RSBN1L: variants seen among roughly 807,000 people sequenced by gnomAD.
The protein encoded by RSBN1L is lysine-specific demethylase RSBN1L.
RSBN1L carries 30 observed loss-of-function variants against 67.7 expected under a neutral mutation model. The ratio of observed to expected loss-of-function variants is 0.44; its 90% CI spans 0.33 to 0.60. RSBN1L has a LOEUF of 0.60. RSBN1L is among the 20% of genes least tolerant of loss of function. The probability of loss-of-function intolerance (pLI) is 0.02; values close to 1 mark genes in which losing one functional copy is unlikely to be tolerated. For missense variants in RSBN1L, 992 were observed against 1,031.7 expected, an observed-to-expected ratio of 0.96 and a Z score of 0.53; for synonymous variants, 433 against 387.0, an observed-to-expected ratio of 1.12 and a Z score of -1.39.
chr7:77,779,253 G>C lies in RSBN1L; in HGVS notation c.*85G>C, dbSNP rs2150436067. 1.1e-6 allele frequency: 1 copy of C among 922,856 alleles called. No homozygotes were observed. Among genetic ancestry groups the C allele is most frequent in the Non-Finnish European group, 1.6e-6 (1 of 616,970 alleles). The allele number at this position is 922,856 out of a possible 1,614,324, so 57.2% of individuals were successfully genotyped here. A position where few individuals can be genotyped will look rare whatever the true frequency, so the allele number is the denominator to read the frequency against. The stretch of plus-strand genomic sequence containing the variant: ...AATTCTGAAAGCAAGCCAAGGACTT[G>C]CTCCTATGTCTGTTACAAAACATAG... On this transcript the variant is annotated 3_prime_UTR_variant, in exon 8 of 8. Coordinates refer to ENST00000334955, the MANE Select transcript of RSBN1L (RefSeq NM_198467.3).
At position 77,779,033 on chromosome 7, in the gene RSBN1L, G is replaced by A. The variant is rs1465832026; in HGVS notation, c.2406G>A (p.Met802Ile). ...HVQFAEFKID[M>I]DSKFENSNKD... Reference sequence around the variant, plus strand: ...AATTTGCAGAATTTAAGATTGACATGGATTCTAAATTTGAAAATAGCAACA... The same window carrying A: ...AATTTGCAGAATTTAAGATTGACATAGATTCTAAATTTGAAAATAGCAACA... Residue 802 changes from methionine (M) to isoleucine (I), a missense_variant, in exon 8 of 8, where the codon ATG (methionine) becomes ATA (isoleucine). Physicochemically the swap from Met to Ile is conservative, Grantham distance 10 (BLOSUM62 1). Coordinates refer to ENST00000334955, the MANE Select transcript of RSBN1L (RefSeq NM_198467.3). The A allele has an allele frequency of 6.2e-7, 1 of 1,613,888 alleles. No homozygotes were observed. The highest frequency in any genetic ancestry group is 1.7e-5 in the Admixed American group (1 of 59,998).
At chr7:77,728,629 G>A (rs1791236980) in intron 1 of RSBN1L, among the ~76,000 whole-genome samples, 1 of 152,184 alleles carries the variant, frequency 6.6e-6, no homozygotes, top group Non-Finnish European at 1.5e-5. Context: ...GCTGCCTTCA[G>A]GGCTTTTTCT....
chr7:77,728,307 A>G (rs1281606995), intron 1 of RSBN1L, among the ~76,000 whole-genome samples: 1 of 152,214 alleles, frequency 6.6e-6, no homozygotes, highest in Admixed American at 6.5e-5. Context: ...TTGGCAGATT[A>G]TAAAATTGTA....
intron 1 of RSBN1L, among the ~76,000 whole-genome samples, chr7:77,715,800 C>CTAGTAGTTGCATAG (rs1363827106): frequency 6.6e-6 from 1 of 152,188 alleles, no homozygotes; most frequent in African/African-American, 2.4e-5. Context: ...TTCAGCCATT[C>CTAGTAGTTGCATAG]TAGTAGTTGC....
intron 1 of RSBN1L, among the ~76,000 whole-genome samples, chr7:77,723,387 T>G (rs1791149260): frequency 6.6e-6 from 1 of 152,214 alleles, no homozygotes; most frequent in Non-Finnish European, 1.5e-5. Context: ...AAGTATAGCT[T>G]CTTTTTCTTA....
At chr7:77,760,298 C>T (rs1048837146) in intron 3 of RSBN1L, among the ~76,000 whole-genome samples, 2 of 152,068 alleles carry the variant, frequency 1.3e-5, no homozygotes, top group African/African-American at 4.8e-5. Context: ...TTGACACTTA[C>T]TGGCAATGGG....
intron 1 of RSBN1L, among the ~76,000 whole-genome samples, chr7:77,703,477 G>GTTTTTTTTTTTTT (rs71529102): frequency 3.2e-5 from 2 of 61,574 alleles, no homozygotes; most frequent in African/African-American, 6.8e-5. Context: ...TACTGTTTGG[G>GTTTTTTTTTTTTT]TTTTTTTTTT....
At position 77,782,950 on chromosome 7, in the gene RSBN1L, A is replaced by T. The variant is rs1378875325; in HGVS notation, c.*3782A>T. On this transcript the variant is annotated 3_prime_UTR_variant, in exon 8 of 8. Coordinates refer to ENST00000334955, the MANE Select transcript of RSBN1L (RefSeq NM_198467.3). ...ATTTTACATTTAGCAAAGGTGCAAC[A>T]TTTGTTTTTGGAGTTTGAGAGATAT... is the stretch of plus-strand genomic sequence containing the variant. 6.6e-6 allele frequency: 1 copy of T among 152,164 alleles called. No homozygotes were observed. 9.4% of individuals were successfully genotyped at this position (152,164 alleles called of 1,614,324 possible).
chr7:77,704,129 T>A (rs1790857852), intron 1 of RSBN1L, among the ~76,000 whole-genome samples: 1 of 152,228 alleles, frequency 6.6e-6, no homozygotes, highest in Non-Finnish European at 1.5e-5. Flanking sequence ...AGACATGTAG[T>A]TTCACTGAAT....
chr7:77,778,308 A>G (rs961172986), intron 6 of RSBN1L, 30 bp from the exon 7 acceptor site: 1 of 1,477,812 alleles, frequency 6.8e-7, no homozygotes, highest in Non-Finnish European at 9.3e-7. Context: ...CATTTATGGC[A>G]GATTCTTGTT....
intron 1 of RSBN1L, among the ~76,000 whole-genome samples, chr7:77,711,322 A>T (rs1224712730): frequency 1.4e-5 from 2 of 138,628 alleles, no homozygotes; most frequent in Non-Finnish European, 1.5e-5. Context: ...TTGCATATTA[A>T]TTTTTTTTTT....
chr7:77,748,972 C>T (rs913575761), intron 2 of RSBN1L, among the ~76,000 whole-genome samples: 1 of 151,048 alleles, frequency 6.6e-6, no homozygotes, highest in Non-Finnish European at 1.5e-5. Context: ...AAGAGACTGG[C>T]TGGCTGGGTG....
intron 1 of RSBN1L, among the ~76,000 whole-genome samples, chr7:77,708,236 T>C (rs559623124): frequency 6.6e-6 from 1 of 151,912 alleles, no homozygotes; most frequent in Non-Finnish European, 1.5e-5. Context: ...TGAATAAGAT[T>C]GTAGAGGCAG....
chr7:77,696,614 GAGA>G lies in RSBN1L; in HGVS notation c.151_153del (p.Lys51del), dbSNP rs754895320. The G allele has an allele frequency of 2.5e-6, 4 of 1,613,956 alleles. No homozygotes were observed. The highest frequency in any genetic ancestry group is 1.7e-6 in the Non-Finnish European group (2 of 1,179,986). ...GTCCGCCAAGAAGGTCCGGACTGAG[GAGA>G]AGAAGGCACCGCGGAGAGTGAACGG... is the stretch of plus-strand genomic sequence containing the variant. On this transcript the variant is annotated inframe_deletion, in exon 1 of 8. Transcript: ENST00000334955.
At chr7:77,743,939 T>C (rs1057277428) in intron 2 of RSBN1L, among the ~76,000 whole-genome samples, 13 of 152,334 alleles carry the variant, frequency 8.5e-5, no homozygotes, top group Non-Finnish European at 1.5e-5. Context: ...TTCCCCAAGC[T>C]GATCTCGAAC....
chr7:77,730,289 G>A (rs1039735358), intron 1 of RSBN1L, among the ~76,000 whole-genome samples: 1 of 152,108 alleles, frequency 6.6e-6, no homozygotes, highest in Non-Finnish European at 1.5e-5. Flanking sequence ...TTGAGCAGAA[G>A]CTACAGACTT....
intron 2 of RSBN1L, among the ~76,000 whole-genome samples, chr7:77,746,040 C>T (rs1385923352): frequency 6.6e-6 from 1 of 152,216 alleles, no homozygotes; most frequent in East Asian, 1.9e-4. Flanking sequence ...GGCTCGCCCA[C>T]TGCTCACCTC....
rs578247954 is a variant in RSBN1L at position 77,741,041 on chromosome 7, C to T, written c.703+4515C>T. ...TCACTGTGATACCCAGTCTGGAGTG[C>T]GATGGCACAGTCTGGGCTCACTGTA... On this transcript the variant is annotated intron_variant, in intron 2 of 7. Coordinates refer to ENST00000334955, the MANE Select transcript of RSBN1L (RefSeq NM_198467.3). Among the ~76,000 whole-genome samples the T allele has an allele frequency of 1.3e-4, 18 of 142,338 alleles. No individual in the cohort carries two copies. In the East Asian group the frequency reaches 2.9e-3, roughly 23 times the overall value. 93.4% of individuals were successfully genotyped at this position (142,338 alleles called of 152,430 possible). A position where few individuals can be genotyped will look rare whatever the true frequency, so the allele number is the denominator to read the frequency against.
At position 77,773,264 on chromosome 7, in the gene RSBN1L, A is replaced by G. The variant is rs1791870163; in HGVS notation, c.1743A>G (p.Arg581=). 4 of 1,611,410 alleles carry G rather than the reference A, an allele frequency of 2.5e-6. No homozygotes were observed. Among genetic ancestry groups the G allele is most frequent in the East Asian group, 2.2e-5 (1 of 44,874 alleles). The change falls in exon 6 of 8, where the codon CGA becomes CGG. Residue 581 remains arginine, a synonymous_variant. Transcript: ENST00000334955. ...ATCATATAGGACAAGGTTTTGAACG[A>G]CAGACTACAGCTGCTGTTGGAGTGC... The part of the protein sequence containing the change: ...HADHIGQGFE[R]QTTAAVGVLK...
Sources: gnomAD v4.1 joint callset for allele counts (sites outside exome capture counted in the v4.1 genomes callset) on GRCh38, gnomAD v4.1.1 for gene constraint, MANE v1.5 for transcripts, NCBI Gene and HGNC (gene_info 2026-07-23, HGNC 2026-07-21) for gene names.